The following AGPS variants were observed in gnomAD, a reference collection of about 807,000 sequenced individuals.
AGPS encodes alkyldihydroxyacetonephosphate synthase, peroxisomal.
AGPS carries 26 observed loss-of-function variants against 90.7 expected under a neutral mutation model. The ratio of observed to expected loss-of-function variants is 0.29; its 90% CI spans 0.21 to 0.40. The LOEUF is 0.40. Ranked by LOEUF, AGPS falls within the 10% of genes least tolerant of loss-of-function variation. The pLI is 1.00. For missense variants in AGPS, 540 were observed against 816.1 expected (o/e 0.66, Z 4.12); for synonymous variants, 294 against 285.3 (o/e 1.03, Z -0.31).
chr2:177,531,201 A>G lies in AGPS; in HGVS notation c.1856-6873A>G, dbSNP rs191423883. 3.7e-4 allele frequency among the ~76,000 whole-genome samples: 56 copies of G among 152,298 alleles called. No homozygotes were observed. In the South Asian group the frequency reaches 8.5e-3, roughly 23 times the overall value. The stretch of plus-strand genomic sequence containing the variant: ...ATTTGTAGTGTGAAACAAAAGGCAT[A>G]TAGATTGGAAAGGAGGAAGTATAAC... On this transcript the variant is annotated intron_variant, in intron 19 of 19. Transcript: ENST00000264167.
chr2:177,479,313 A>G (rs1315806544), intron 10 of AGPS, among the ~76,000 whole-genome samples: 2 of 151,882 alleles, frequency 1.3e-5, no homozygotes, highest in African/African-American at 4.8e-5. Context: ...GGGGAGCACT[A>G]CCTCCCAGCT....
intron 11 of AGPS, among the ~76,000 whole-genome samples, chr2:177,485,833 A>G (rs979632866): frequency 8.5e-5 from 13 of 152,086 alleles, no homozygotes; most frequent in Admixed American, 3.3e-4. Context: ...GAGAGGATCC[A>G]TTGAGCCCAG....
At position 177,542,546 on chromosome 2, in the gene AGPS, A is replaced by G. The variant is rs1056254471; in HGVS notation, c.*4351A>G. The G allele has an allele frequency of 2.0e-5, 3 of 152,198 alleles. No homozygotes were observed. Among genetic ancestry groups the G allele is most frequent in the Non-Finnish European group, 2.9e-5 (2 of 68,030 alleles). The allele number at this position is 152,198 out of a possible 1,614,324, so 9.4% of individuals were successfully genotyped here. ...TCCAAAGGAGATTATTTATTTTTCC[A>G]CAAGGAAAAACATCTTGCAGAGACT... On this transcript the variant is annotated 3_prime_UTR_variant, in exon 20 of 20. Coordinates refer to ENST00000264167, the MANE Select transcript of AGPS (RefSeq NM_003659.4).
At chr2:177,429,096 A>G (rs527990923) in intron 2 of AGPS, among the ~76,000 whole-genome samples, 10 of 151,990 alleles carry the variant, frequency 6.6e-5, no homozygotes, top group Admixed American at 2.6e-4. Context: ...CACTTGGTCT[A>G]TTCTGCTATT....
chr2:177,428,251 T>C (rs1686137953), intron 2 of AGPS, among the ~76,000 whole-genome samples: 2 of 152,134 alleles, frequency 1.3e-5, no homozygotes, highest in Non-Finnish European at 2.9e-5. Flanking sequence ...CTTGACAGCA[T>C]GCTAATGGGT....
intron 18 of AGPS, 99 bp downstream of exon 18, chr2:177,521,467 C>A: frequency 9.9e-7 from 1 of 1,014,556 alleles, no homozygotes; most frequent in Non-Finnish European, 1.5e-6. Context: ...TCTTTAATCA[C>A]ACATGGTTTG....
At chr2:177,494,988 T>C (rs1223454822) in intron 12 of AGPS, among the ~76,000 whole-genome samples, 2 of 152,230 alleles carry the variant, frequency 1.3e-5, no homozygotes, top group Non-Finnish European at 2.9e-5. Context: ...TTATACCACA[T>C]TGGTTGTTAA....
At chr2:177,465,763 A>G (rs1687426721) in intron 9 of AGPS, among the ~76,000 whole-genome samples, 1 of 152,260 alleles carries the variant, frequency 6.6e-6, no homozygotes, top group Non-Finnish European at 1.5e-5. Flanking sequence ...AGAGTGAGCC[A>G]TAGCCCTGGC....
intron 2 of AGPS, among the ~76,000 whole-genome samples, chr2:177,433,022 C>G (rs1686290281): frequency 2.0e-5 from 3 of 152,160 alleles, no homozygotes; most frequent in Non-Finnish European, 1.5e-5. Flanking sequence ...CGTCCATGAC[C>G]CAACCACCTC....
chr2:177,427,119 T>C (rs1169407884), intron 2 of AGPS, among the ~76,000 whole-genome samples: 1 of 152,182 alleles, frequency 6.6e-6, no homozygotes, highest in Non-Finnish European at 1.5e-5. Context: ...TTATCCACTT[T>C]TTTCTAGATT....
At chr2:177,532,943 T>TA (rs1019441590) in intron 19 of AGPS, among the ~76,000 whole-genome samples, 31 of 151,990 alleles carry the variant, frequency 2.0e-4, no homozygotes, top group Admixed American at 1.1e-3. Context: ...ATCTTAAGAG[T>TA]AAAAAAAAGA....
At chr2:177,486,795 A>G (rs1688106998) in intron 11 of AGPS, among the ~76,000 whole-genome samples, 1 of 141,348 alleles carries the variant, frequency 7.1e-6, no homozygotes, top group African/African-American at 2.5e-5. Flanking sequence ...CTAGCATTAG[A>G]AGGATTCTAC....
chr2:177,441,178 C>G, intron 6 of AGPS, 142 bp downstream of exon 6: 1 of 731,974 alleles, frequency 1.4e-6, no homozygotes, highest in Non-Finnish European at 2.3e-6. Context: ...GTCAATGATG[C>G]TCATTTTTGT....
At chr2:177,411,421 T>C (rs1685617214) in intron 1 of AGPS, among the ~76,000 whole-genome samples, 1 of 152,194 alleles carries the variant, frequency 6.6e-6, no homozygotes. Flanking sequence ...GCACGCAAGT[T>C]AGTAAATGTC....
chr2:177,508,737 G>T (rs1384665575), intron 16 of AGPS, among the ~76,000 whole-genome samples: 1 of 152,108 alleles, frequency 6.6e-6, no homozygotes, highest in East Asian at 1.9e-4. Flanking sequence ...CAAAGAGATT[G>T]TCTATACAAT....
At chr2:177,435,015 A>AGG (rs1686360427) in intron 3 of AGPS, among the ~76,000 whole-genome samples, 1 of 147,126 alleles carries the variant, frequency 6.8e-6, no homozygotes, top group African/African-American at 2.5e-5. Flanking sequence ...ATATATATAT[A>AGG]TATATATATG....
intron 14 of AGPS, among the ~76,000 whole-genome samples, chr2:177,503,781 GC>G (rs1359214119): frequency 6.6e-6 from 1 of 152,076 alleles, no homozygotes; most frequent in East Asian, 1.9e-4. Flanking sequence ...TCCTTGTAAA[GC>G]CCAGACTGAC....
At chr2:177,507,834 T>G in intron 15 of AGPS, 136 bp from the exon 16 acceptor site, 8 of 715,066 alleles carry the variant, frequency 1.1e-5, no homozygotes, top group Non-Finnish European at 1.8e-5. Flanking sequence ...AGTGCTCTTA[T>G]GAGGTGGATA....
At chr2:177,512,063 A>G (rs1044721877) in intron 16 of AGPS, among the ~76,000 whole-genome samples, 1 of 152,174 alleles carries the variant, frequency 6.6e-6, no homozygotes, top group Non-Finnish European at 1.5e-5. Context: ...TAGCACTTAA[A>G]TTTCATTTTC....
Sources: allele counts gnomAD v4.1 joint callset (sites outside exome capture counted in the v4.1 genomes callset), GRCh38; gene constraint gnomAD v4.1.1; transcripts MANE v1.5; gene names NCBI Gene and HGNC (gene_info 2026-07-23, HGNC 2026-07-21).